The following RBFOX1 variants were observed in gnomAD, a reference collection of about 807,000 sequenced individuals.
The protein encoded by RBFOX1 is RNA binding protein fox-1 homolog 1.
RBFOX1 carries 8 observed loss-of-function variants against 57.7 expected under a neutral mutation model. The observed-to-expected ratio is 0.14, with a 90% CI of 0.08 to 0.25. The LOEUF is 0.25. Among genes scored for constraint, RBFOX1 ranks in the 10% least tolerant of loss-of-function variants. The pLI, the probability that RBFOX1 is intolerant of heterozygous loss-of-function variation, is 1.00. For missense variants in RBFOX1, 611 were observed against 548.5 expected, an observed-to-expected ratio of 1.11 and a Z score of -1.14; for synonymous variants, 326 against 222.4, an observed-to-expected ratio of 1.47 and a Z score of -4.15.
intron 3 of RBFOX1, among the ~76,000 whole-genome samples, chr16:5,764,813 C>T (rs575787523): frequency 1.3e-5 from 2 of 152,114 alleles, no homozygotes. Context: ...TTTATCATTA[C>T]AGCTTATTAA....
intron 5 of RBFOX1, among the ~76,000 whole-genome samples, chr16:7,519,345 G>T (rs1190859027): frequency 1.3e-5 from 2 of 152,158 alleles, no homozygotes; most frequent in Non-Finnish European, 1.5e-5. Context: ...CTAGAAAGAG[G>T]CAGGGTGAGA....
intron 4 of RBFOX1, among the ~76,000 whole-genome samples, chr16:7,200,266 C>G (rs1462594712): frequency 6.6e-6 from 1 of 152,110 alleles, no homozygotes. Context: ...AGATTTAAAG[C>G]AGGTAGGTTT....
intron 3 of RBFOX1, among the ~76,000 whole-genome samples, chr16:5,622,169 C>T (rs1045667588): frequency 5.3e-5 from 8 of 152,200 alleles, no homozygotes; most frequent in Admixed American, 2.0e-4. Flanking sequence ...CGATGATCCA[C>T]AATCTACAGT....
chr16:6,955,484 G>A (rs527529081), intron 3 of RBFOX1, among the ~76,000 whole-genome samples: 15 of 151,984 alleles, frequency 9.9e-5, no homozygotes, highest in Admixed American at 8.5e-4. Context: ...TCACATTCAG[G>A]CAAGATATGA....
intron 3 of RBFOX1, among the ~76,000 whole-genome samples, chr16:6,675,125 C>T (rs576868920): frequency 7.9e-5 from 12 of 152,058 alleles, no homozygotes; most frequent in South Asian, 2.1e-4. Context: ...AGGATGGTCT[C>T]GATCTCTTGA....
At chr16:6,678,919 T>C (rs1286534445) in intron 3 of RBFOX1, among the ~76,000 whole-genome samples, 1 of 152,126 alleles carries the variant, frequency 6.6e-6, no homozygotes, top group Non-Finnish European at 1.5e-5. Flanking sequence ...TGAAGCCATT[T>C]GGGGTGGCAC....
intron 1 of RBFOX1, among the ~76,000 whole-genome samples, chr16:6,121,895 C>A (rs1457340514): frequency 6.6e-6 from 1 of 152,082 alleles, no homozygotes; most frequent in Admixed American, 6.6e-5. Flanking sequence ...GTCAATGACT[C>A]TTTTTGTTAT....
chr16:6,291,883 G>T (rs948877890), intron 1 of RBFOX1, among the ~76,000 whole-genome samples: 1 of 151,914 alleles, frequency 6.6e-6, no homozygotes, highest in Non-Finnish European at 1.5e-5. Context: ...GACTTGCCTT[G>T]GTCATTTTCC....
rs559354308 is a variant in RBFOX1, at chr16:5,271,282, A to G, written c.219+31177A>G. ...GGTGGGAGGATGGCTTGAGGCCAGG[A>G]GTAATTTGAGCCTGCAGTGAACTAT... is the stretch of plus-strand genomic sequence containing the variant. On this transcript the variant is annotated intron_variant, in intron 1 of 2. Coordinates refer to the RBFOX1 transcript ENST00000585867. 8.7e-4 allele frequency among the ~76,000 whole-genome samples: 133 copies of G among 152,218 alleles called. 2 individuals are homozygous for G. The highest frequency in any genetic ancestry group is 2.8e-3 in the African/African-American group (116 of 41,532).
chr16:6,952,555 T>C (rs1220411192), intron 3 of RBFOX1, among the ~76,000 whole-genome samples: 1 of 151,936 alleles, frequency 6.6e-6, no homozygotes, highest in East Asian at 1.9e-4. Flanking sequence ...GGAGAATCAC[T>C]TAGGCCTGGG....
chr16:6,871,447 A>C (rs1347224420), intron 3 of RBFOX1, among the ~76,000 whole-genome samples: 2 of 152,062 alleles, frequency 1.3e-5, no homozygotes, highest in African/African-American at 2.4e-5. Flanking sequence ...CAGCCTCCCA[A>C]ATTGCTGGGA....
intron 4 of RBFOX1, among the ~76,000 whole-genome samples, chr16:7,203,991 C>T (rs763567928): frequency 4.6e-5 from 7 of 152,238 alleles, no homozygotes; most frequent in Non-Finnish European, 7.3e-5. Flanking sequence ...ACATCACTTA[C>T]GTTATATTTT....
At chr16:6,569,983 G>A (rs1404636617) in intron 2 of RBFOX1, among the ~76,000 whole-genome samples, 1 of 152,168 alleles carries the variant, frequency 6.6e-6, no homozygotes, top group Non-Finnish European at 1.5e-5. Context: ...TGTTTGAGAA[G>A]AAGTCGTTAG....
intron 3 of RBFOX1, among the ~76,000 whole-genome samples, chr16:6,729,431 C>G (rs755914401): frequency 6.6e-6 from 1 of 152,154 alleles, no homozygotes; most frequent in Non-Finnish European, 1.5e-5. Context: ...GGCGTTCTGA[C>G]GGCTAAAAGG....
chr16:7,215,639 G>A (rs55755449), intron 4 of RBFOX1, among the ~76,000 whole-genome samples: 5,807 of 151,800 alleles, frequency 0.038, 165 homozygotes, highest in Admixed American at 0.067. Flanking sequence ...AAAGATCCTC[G>A]GGCAGATTAG....
chr16:6,951,486 C>T (rs1446074796), intron 3 of RBFOX1, among the ~76,000 whole-genome samples: 4 of 152,094 alleles, frequency 2.6e-5, no homozygotes, highest in African/African-American at 9.7e-5. Flanking sequence ...GTGGCTGAGT[C>T]TGGGGTGGTT....
At chr16:5,256,231 G>A (rs1203765102) in intron 1 of RBFOX1, among the ~76,000 whole-genome samples, 1 of 152,176 alleles carries the variant, frequency 6.6e-6, no homozygotes, top group Non-Finnish European at 1.5e-5. Flanking sequence ...ATGGGTAGTA[G>A]TTGGAGATCC....
intron 3 of RBFOX1, among the ~76,000 whole-genome samples, chr16:6,779,711 TTA>T (rs1309571687): frequency 2.6e-5 from 3 of 117,102 alleles, no homozygotes; most frequent in African/African-American, 1.0e-4. Context: ...ATATATATAT[TTA>T]TATATATATT....
chr16:6,953,768 G>C (rs997844688), intron 3 of RBFOX1, among the ~76,000 whole-genome samples: 1 of 152,106 alleles, frequency 6.6e-6, no homozygotes, highest in African/African-American at 2.4e-5. Context: ...GCATTTCATA[G>C]GCTTGTCTTT....
Sources: allele counts gnomAD v4.1 joint callset (sites outside exome capture counted in the v4.1 genomes callset), GRCh38; gene constraint gnomAD v4.1.1; transcripts MANE v1.5; gene names NCBI Gene and HGNC (gene_info 2026-07-23, HGNC 2026-07-21).